Variants in NIM1K observed in about 807,000 individuals in gnomAD.
NIM1K encodes the protein serine/threonine-protein kinase NIM1.
Under a neutral mutation model 37.1 loss-of-function variants are expected in NIM1K, and 35 were observed. That is an observed-to-expected ratio of 0.94 (90% confidence interval 0.72 to 1.25). The LOEUF is 1.25. NIM1K is among the 50% of genes most tolerant of loss of function. The probability of loss-of-function intolerance (pLI) is 0.00; values close to 1 mark genes in which losing one functional copy is unlikely to be tolerated. For synonymous variants in NIM1K, 234 were observed against 206.6 expected, an observed-to-expected ratio of 1.13 and a Z score of -1.14; for missense variants, 564 against 548.0, an observed-to-expected ratio of 1.03 and a Z score of -0.29.
At chr5:43,260,758 C>T (rs1366845487) in intron 2 of NIM1K, among the ~76,000 whole-genome samples, 2 of 152,114 alleles carry the variant, frequency 1.3e-5, no homozygotes, top group African/African-American at 4.8e-5. Context: ...TATCCCTCCC[C>T]CCTTCCCCCA....
intron 2 of NIM1K, among the ~76,000 whole-genome samples, chr5:43,271,330 G>T (rs1639154687): frequency 6.6e-6 from 1 of 151,748 alleles, no homozygotes; most frequent in Non-Finnish European, 1.5e-5. Context: ...ATCTCTGAGG[G>T]TGCATATACC....
chr5:43,255,579 A>G (rs1047598138), intron 2 of NIM1K, among the ~76,000 whole-genome samples: 7 of 151,892 alleles, frequency 4.6e-5, no homozygotes, highest in Non-Finnish European at 1.0e-4. Flanking sequence ...TGAAACCACA[A>G]TTCTACTAAA....
At chr5:43,211,634 C>A (rs1167466261) in intron 1 of NIM1K, among the ~76,000 whole-genome samples, 1 of 152,086 alleles carries the variant, frequency 6.6e-6, no homozygotes, top group Non-Finnish European at 1.5e-5. Flanking sequence ...AAATATAGGG[C>A]ATATGGAGGG....
At chr5:43,270,583 A>G (rs1473681216) in intron 2 of NIM1K, among the ~76,000 whole-genome samples, 1 of 152,220 alleles carries the variant, frequency 6.6e-6, no homozygotes, top group Non-Finnish European at 1.5e-5. Flanking sequence ...GCCATGAAAG[A>G]GTTATACAAA....
intron 1 of NIM1K, among the ~76,000 whole-genome samples, chr5:43,234,698 G>A (rs1302822558): frequency 1.3e-5 from 2 of 152,132 alleles, no homozygotes; most frequent in Non-Finnish European, 2.9e-5. Context: ...GCAGTGGCGC[G>A]ATCTTGGCTC....
At chr5:43,196,580 A>G (rs2112191235) in intron 1 of NIM1K, among the ~76,000 whole-genome samples, 1 of 152,188 alleles carries the variant, frequency 6.6e-6, no homozygotes, top group South Asian at 2.1e-4. Flanking sequence ...GCTTGTAGTG[A>G]GCCGAGATCG....
intron 2 of NIM1K, among the ~76,000 whole-genome samples, chr5:43,262,547 T>C (rs953534745): frequency 8.5e-5 from 13 of 152,096 alleles, no homozygotes; most frequent in Non-Finnish European, 1.5e-4. Flanking sequence ...ATCATGTCAT[T>C]TGCAAACAGG....
At chr5:43,241,479 A>G (rs1010331397) in intron 1 of NIM1K, among the ~76,000 whole-genome samples, 3 of 151,690 alleles carry the variant, frequency 2.0e-5, no homozygotes, top group Admixed American at 1.3e-4. Flanking sequence ...AGCTGGGACT[A>G]CAGGTGTGCA....
At chr5:43,257,580 T>A (rs1752965260) in intron 2 of NIM1K, among the ~76,000 whole-genome samples, 1 of 151,970 alleles carries the variant, frequency 6.6e-6, no homozygotes, top group Non-Finnish European at 1.5e-5. Context: ...CTCGATCTCC[T>A]GACCTCATCA....
intron 1 of NIM1K, among the ~76,000 whole-genome samples, chr5:43,236,064 C>A (rs548958250): frequency 6.6e-6 from 1 of 151,998 alleles, no homozygotes; most frequent in African/African-American, 2.4e-5. Context: ...TACTCGAGAC[C>A]GGGAGTTGCA....
intron 2 of NIM1K, among the ~76,000 whole-genome samples, chr5:43,255,553 A>G (rs1752930361): frequency 6.6e-6 from 1 of 152,176 alleles, no homozygotes; most frequent in Non-Finnish European, 1.5e-5. Context: ...GATGGAGGCC[A>G]TCCTGGCCGA....
intron 1 of NIM1K, among the ~76,000 whole-genome samples, chr5:43,200,797 G>A (rs1752007971): frequency 6.6e-6 from 1 of 152,174 alleles, no homozygotes; most frequent in East Asian, 1.9e-4. Context: ...GTAACACCAA[G>A]GCGAGAGAAG....
At chr5:43,254,576 A>G (rs1752913362) in intron 2 of NIM1K, among the ~76,000 whole-genome samples, 1 of 152,242 alleles carries the variant, frequency 6.6e-6, no homozygotes, top group African/African-American at 2.4e-5. Flanking sequence ...ATAACTTCTC[A>G]TGAAAATCCA....
intron 2 of NIM1K, among the ~76,000 whole-genome samples, chr5:43,265,643 G>A (rs185957756): frequency 6.5e-4 from 99 of 152,210 alleles, no homozygotes; most frequent in Admixed American, 9.8e-4. Context: ...TTCATTCTCC[G>A]TCCAGCTTTG....
intron 1 of NIM1K, among the ~76,000 whole-genome samples, chr5:43,197,392 G>C (rs1270747683): frequency 1.3e-5 from 2 of 149,108 alleles, no homozygotes; most frequent in African/African-American, 4.9e-5. Context: ...CCATCCTTCT[G>C]CCTTGGCCTC....
At chr5:43,237,649 C>T (rs1053778699) in intron 1 of NIM1K, among the ~76,000 whole-genome samples, 14 of 152,248 alleles carry the variant, frequency 9.2e-5, no homozygotes, top group Admixed American at 8.5e-4. Context: ...AACCCCACAA[C>T]CTGTGCTTCA....
intron 2 of NIM1K, among the ~76,000 whole-genome samples, chr5:43,270,492 A>T (rs61623400): frequency 0.032 from 4,865 of 152,216 alleles, 292 homozygotes; most frequent in African/African-American, 0.11. Flanking sequence ...TGCTTATTTT[A>T]CTCAATAAAG....
intron 1 of NIM1K, among the ~76,000 whole-genome samples, chr5:43,202,215 C>T (rs943292538): frequency 6.6e-6 from 1 of 151,886 alleles, no homozygotes; most frequent in Non-Finnish European, 1.5e-5. Flanking sequence ...ACAGGATCTC[C>T]CTCTGTCATG....
intron 2 of NIM1K, among the ~76,000 whole-genome samples, chr5:43,249,135 T>C (rs1752831133): frequency 6.6e-6 from 1 of 151,798 alleles, no homozygotes. Context: ...AGTGGCAAGA[T>C]CTAGGCTCAC....
Sources: allele counts gnomAD v4.1 joint callset (sites outside exome capture counted in the v4.1 genomes callset), GRCh38; gene constraint gnomAD v4.1.1; transcripts MANE v1.5; gene names NCBI Gene and HGNC (gene_info 2026-07-23, HGNC 2026-07-21).